The following ANKRD6 variants were observed in gnomAD, a reference collection of about 807,000 sequenced individuals.
ANKRD6 encodes ankyrin repeat domain 6.
In ANKRD6, 56 loss-of-function variants were observed where a neutral mutation model predicts 82.3. The observed-to-expected ratio is 0.68, with a 90% confidence interval of 0.55 to 0.85. The LOEUF is 0.85. Among genes scored for constraint, ANKRD6 ranks in the 40% least tolerant of loss-of-function variants. ANKRD6 has a pLI of 0.00. For synonymous variants in ANKRD6, 347 were observed against 352.1 expected (o/e 0.99, Z 0.16); for missense variants, 852 against 907.6 (o/e 0.94, Z 0.79).
chr6:89,491,381 C>T (rs1349769859), intron 1 of ANKRD6, among the ~76,000 whole-genome samples: 3 of 152,188 alleles, frequency 2.0e-5, no homozygotes, highest in Non-Finnish European at 2.9e-5. Flanking sequence ...TCCCCCACAA[C>T]CCCTGCCCTT....
chr6:89,570,935 A>T (rs1789726940), intron 2 of ANKRD6, among the ~76,000 whole-genome samples: 1 of 152,110 alleles, frequency 6.6e-6, no homozygotes, highest in Non-Finnish European at 1.5e-5. Flanking sequence ...TCTATTTTTA[A>T]AGTTTTGGGT....
chr6:89,616,765 G>A (rs968290051), intron 8 of ANKRD6, 108 bp downstream of exon 8: 104 of 1,094,276 alleles, frequency 9.5e-5, no homozygotes, highest in Non-Finnish European at 1.3e-4. Flanking sequence ...TCTGGAAGAC[G>A]GGGGATCTCT....
At chr6:89,578,071 C>T (rs1791546901) in intron 2 of ANKRD6, among the ~76,000 whole-genome samples, 1 of 152,160 alleles carries the variant, frequency 6.6e-6, no homozygotes, top group South Asian at 2.1e-4. Context: ...GAGTTCTCTG[C>T]AGAGTGGGCA....
At chr6:89,584,561 A>G (rs1793291495) in intron 2 of ANKRD6, among the ~76,000 whole-genome samples, 1 of 152,198 alleles carries the variant, frequency 6.6e-6, no homozygotes, top group Non-Finnish European at 1.5e-5. Flanking sequence ...TTCTAAGCCA[A>G]TAATTTAGGG....
At chr6:89,448,819 A>G (rs62415415) in intron 1 of ANKRD6, among the ~76,000 whole-genome samples, 6 of 151,718 alleles carry the variant, frequency 4.0e-5, no homozygotes, top group South Asian at 2.1e-4. Context: ...TCACGAGGTC[A>G]GGAGATCGAG....
chr6:89,583,314 T>C (rs189632719), intron 2 of ANKRD6, among the ~76,000 whole-genome samples: 1 of 152,282 alleles, frequency 6.6e-6, no homozygotes, highest in East Asian at 1.9e-4. Flanking sequence ...TAGAAACAAG[T>C]TTATTAGCAG....
chr6:89,521,571 G>A (rs554689280), intron 1 of ANKRD6, among the ~76,000 whole-genome samples: 7 of 152,316 alleles, frequency 4.6e-5, no homozygotes, highest in Non-Finnish European at 1.0e-4. Context: ...AAAGAGAACT[G>A]TGGCCTCAAT....
intron 1 of ANKRD6, among the ~76,000 whole-genome samples, chr6:89,560,409 A>G (rs1332313081): frequency 6.6e-6 from 1 of 152,214 alleles, no homozygotes; most frequent in African/African-American, 2.4e-5. Context: ...TCAGGGCTCC[A>G]CCTTTATGAC....
intron 1 of ANKRD6, among the ~76,000 whole-genome samples, chr6:89,529,745 C>A (rs1332298220): frequency 1.3e-5 from 2 of 152,066 alleles, no homozygotes; most frequent in Non-Finnish European, 2.9e-5. Flanking sequence ...TATCACTTGG[C>A]CTAGTTTTGA....
intron 1 of ANKRD6, among the ~76,000 whole-genome samples, chr6:89,547,244 T>G (rs1407957614): frequency 6.6e-6 from 1 of 151,748 alleles, no homozygotes; most frequent in East Asian, 1.9e-4. Context: ...GAGGCAGATG[T>G]AGGGGGCAGT....
chr6:89,539,510 C>T (rs1239944526), intron 1 of ANKRD6, among the ~76,000 whole-genome samples: 1 of 151,948 alleles, frequency 6.6e-6, no homozygotes, highest in Non-Finnish European at 1.5e-5. Flanking sequence ...ATTGCTACCT[C>T]CTTTATAACT....
Position 89,596,804 on chromosome 6 carries a change from A to T in ANKRD6, c.219+790A>T, listed in dbSNP as rs530866668. Among the ~76,000 whole-genome samples, 10 of 152,352 alleles carry T rather than the reference A, an allele frequency of 6.6e-5. No individual in the cohort carries two copies. In the South Asian group the frequency reaches 2.1e-3, roughly 32 times the overall value. On this transcript the variant is annotated intron_variant, in intron 3 of 15. Coordinates refer to ENST00000339746, the MANE Select transcript of ANKRD6 (RefSeq NM_001242809.2). Reference sequence around the variant, plus strand: ...CCATATAAATTGTCCTCCAACAGCTATTAGGAAAAGGTCTTTTGATAATAC... The same window carrying T: ...CCATATAAATTGTCCTCCAACAGCTTTTAGGAAAAGGTCTTTTGATAATAC...
At chr6:89,521,336 A>C (rs951133931) in intron 1 of ANKRD6, among the ~76,000 whole-genome samples, 1 of 152,178 alleles carries the variant, frequency 6.6e-6, no homozygotes, top group Non-Finnish European at 1.5e-5. Context: ...GGGAGGTGTC[A>C]TCTAGACTCA....
chr6:89,484,151 G>A (rs920147856), intron 1 of ANKRD6, among the ~76,000 whole-genome samples: 3 of 152,114 alleles, frequency 2.0e-5, no homozygotes, highest in African/African-American at 4.8e-5. Context: ...CAGGTGATCC[G>A]CCTGCCTCAG....
chr6:89,441,706 C>G (rs995144574), intron 1 of ANKRD6, among the ~76,000 whole-genome samples: 5 of 128,552 alleles, frequency 3.9e-5, no homozygotes, highest in African/African-American at 1.5e-4. Flanking sequence ...GATCTTGGCT[C>G]ACTGCAACCT....
intron 1 of ANKRD6, among the ~76,000 whole-genome samples, chr6:89,529,297 C>T (rs1782870217): frequency 6.6e-6 from 1 of 152,268 alleles, no homozygotes; most frequent in Admixed American, 6.5e-5. Flanking sequence ...CTTGCTGCTT[C>T]ACCTCACACT....
intron 1 of ANKRD6, among the ~76,000 whole-genome samples, chr6:89,441,939 GT>G (rs1340173043): frequency 6.6e-6 from 1 of 151,542 alleles, no homozygotes; most frequent in Non-Finnish European, 1.5e-5. Context: ...GCCAGCCATG[GT>G]TTTCAAGAGG....
chr6:89,629,773 C>T (rs916232118), intron 15 of ANKRD6, among the ~76,000 whole-genome samples: 2 of 152,224 alleles, frequency 1.3e-5, no homozygotes, highest in African/African-American at 4.8e-5. Flanking sequence ...ATTTTGAGGA[C>T]ATTCAGAGCC....
At chr6:89,521,230 A>AAGCTCACAGTCCAG (rs1781850512) in intron 1 of ANKRD6, among the ~76,000 whole-genome samples, 1 of 152,128 alleles carries the variant, frequency 6.6e-6, no homozygotes, top group Non-Finnish European at 1.5e-5. Context: ...GATGCCCCTT[A>AAGCTCACAGTCCAG]ACCAGTGATT....
Sources: allele counts gnomAD v4.1 joint callset (sites outside exome capture counted in the v4.1 genomes callset), GRCh38; gene constraint gnomAD v4.1.1; transcripts MANE v1.5; gene names NCBI Gene and HGNC (gene_info 2026-07-23, HGNC 2026-07-21).